Variants in CIAO2A observed in about 807,000 individuals in gnomAD.
The protein encoded by CIAO2A is MIP18 family protein FAM96A.
Under a neutral mutation model 22.4 loss-of-function variants are expected in CIAO2A, and 17 were observed. That is an observed-to-expected ratio of 0.76 (90% confidence interval 0.52 to 1.14). The LOEUF (loss-of-function observed/expected upper bound fraction) is 1.14. Ranked by LOEUF, CIAO2A falls within the 50% of genes most tolerant of loss-of-function variation. CIAO2A has a pLI of 0.00. For missense variants in CIAO2A, 192 were observed against 191.4 expected (o/e 1.00, Z -0.02); for synonymous variants, 74 against 72.3 (o/e 1.02, Z -0.12).
rs1595949364 is a variant in CIAO2A, at chr15:64,072,832, A to C, written c.*99T>G. On this transcript the variant is annotated 3_prime_UTR_variant, in exon 5 of 5. Transcript: ENST00000300030. ...AATCCTTTAAAAAATACTCTGAGGT[A>C]CAAATCACCTATGTATTAAACATGA... 7 of 730,292 alleles carry C rather than the reference A, an allele frequency of 9.6e-6. No homozygotes were observed. In the East Asian group the frequency reaches 1.8e-4, roughly 19 times the overall value. The allele number at this position is 730,292 out of a possible 1,614,324, so 45.2% of individuals were successfully genotyped here.
intron 1 of CIAO2A, among the ~76,000 whole-genome samples, chr15:64,090,486 T>A (rs2080832201): frequency 6.6e-6 from 1 of 152,110 alleles, no homozygotes; most frequent in East Asian, 1.9e-4. Flanking sequence ...ATCAGTGGTA[T>A]AAAGAAAAAA....
chr15:64,089,592 GT>G (rs1431047566), intron 1 of CIAO2A, among the ~76,000 whole-genome samples: 1 of 152,170 alleles, frequency 6.6e-6, no homozygotes, highest in Non-Finnish European at 1.5e-5. Context: ...AGTGAAAGGT[GT>G]TTTAGAGTAT....
chr15:64,091,058 G>A (rs1483629430), intron 1 of CIAO2A, among the ~76,000 whole-genome samples: 2 of 152,154 alleles, frequency 1.3e-5, no homozygotes, highest in African/African-American at 2.4e-5. Context: ...TGTGCTTGAG[G>A]TTCTCAAATC....
intron 1 of CIAO2A, 81 bp downstream of exon 1, chr15:64,093,563 CA>C: frequency 6.9e-7 from 1 of 1,444,232 alleles, no homozygotes; most frequent in East Asian, 2.4e-5. Flanking sequence ...TCCCAGCCCT[CA>C]GGTGAGGCCA....
intron 3 of CIAO2A, 41 bp downstream of exon 3, chr15:64,081,061 G>C (rs751859092): frequency 2.5e-6 from 4 of 1,586,268 alleles, no homozygotes; most frequent in Non-Finnish European, 3.4e-6. Context: ...CAACAAAGCT[G>C]TTTTACAACA....
chr15:64,092,229 T>C (rs766704639), intron 1 of CIAO2A, among the ~76,000 whole-genome samples: 1 of 152,156 alleles, frequency 6.6e-6, no homozygotes, highest in Non-Finnish European at 1.5e-5. Context: ...AACCACATCT[T>C]CACATTTAAC....
chr15:64,074,772 G>A (rs962645378), intron 4 of CIAO2A: 3 of 151,884 alleles, frequency 2.0e-5, no homozygotes, highest in East Asian at 1.9e-4. Flanking sequence ...AGTCTTCTTG[G>A]TATCTATCTC....
At chr15:64,081,739 A>G (rs1025225170) in intron 2 of CIAO2A, among the ~76,000 whole-genome samples, 1 of 151,914 alleles carries the variant, frequency 6.6e-6, no homozygotes, top group Non-Finnish European at 1.5e-5. Flanking sequence ...GGGTTTCACC[A>G]TGTTGGCCAG....
At chr15:64,091,305 C>T (rs2140117667) in intron 1 of CIAO2A, among the ~76,000 whole-genome samples, 1 of 152,020 alleles carries the variant, frequency 6.6e-6, no homozygotes, top group Admixed American at 6.6e-5. Flanking sequence ...GCCAACATGG[C>T]AAAAACCCGT....
intron 3 of CIAO2A, among the ~76,000 whole-genome samples, chr15:64,077,206 G>A (rs1382435886): frequency 6.6e-6 from 1 of 152,150 alleles, no homozygotes; most frequent in African/African-American, 2.4e-5. Flanking sequence ...GCTGAGGCAG[G>A]AGAATCCCTT....
chr15:64,080,997 C>T, intron 3 of CIAO2A, 105 bp downstream of exon 3: 1 of 1,111,844 alleles, frequency 9.0e-7, no homozygotes, highest in Non-Finnish European at 1.3e-6. Context: ...AAGCAAAAAC[C>T]ACTGAATTGG....
chr15:64,092,306 T>C (rs918651056), intron 1 of CIAO2A, among the ~76,000 whole-genome samples: 1 of 152,170 alleles, frequency 6.6e-6, no homozygotes, highest in Non-Finnish European at 1.5e-5. Flanking sequence ...TGCTTTTAAG[T>C]TTCCTCTTAG....
rs926225858 is a variant in CIAO2A, at chr15:64,072,719, G to T, written c.*212C>A. On this transcript the variant is annotated 3_prime_UTR_variant, in exon 5 of 5. Coordinates refer to ENST00000300030, the MANE Select transcript of CIAO2A (RefSeq NM_032231.7). Reference sequence around the variant, plus strand: ...CATAATAACTAGAAAATATTATTCTGTCTGATCATTTAAGTGTTACAAATC... The same window carrying T: ...CATAATAACTAGAAAATATTATTCTTTCTGATCATTTAAGTGTTACAAATC... The T allele has an allele frequency of 9.8e-6, 4 of 406,646 alleles. No individual in the cohort carries two copies. The highest frequency in any genetic ancestry group is 8.2e-5 in the African/African-American group (4 of 48,958). The allele number at this position is 406,646 out of a possible 1,614,324, so 25.2% of individuals were successfully genotyped here.
chr15:64,086,175 G>A (rs1219934008), intron 2 of CIAO2A, among the ~76,000 whole-genome samples: 2 of 151,648 alleles, frequency 1.3e-5, no homozygotes, highest in East Asian at 3.9e-4. Flanking sequence ...TTGGGAGGCC[G>A]AGGTGGGCAG....
intron 1 of CIAO2A, 136 bp downstream of exon 1, chr15:64,093,509 G>C (rs1038149767): frequency 3.2e-5 from 35 of 1,090,616 alleles, no homozygotes; most frequent in Non-Finnish European, 4.2e-5. Flanking sequence ...GACAAGATCT[G>C]GCCAAAAACA....
At chr15:64,075,778 T>G (rs963689925) in intron 3 of CIAO2A, among the ~76,000 whole-genome samples, 1 of 151,542 alleles carries the variant, frequency 6.6e-6, no homozygotes, top group Non-Finnish European at 1.5e-5. Flanking sequence ...AGCCTCCCAA[T>G]AGCTGGAATT....
At chr15:64,078,167 T>C (rs1347099360) in intron 3 of CIAO2A, among the ~76,000 whole-genome samples, 2 of 152,196 alleles carry the variant, frequency 1.3e-5, no homozygotes, top group African/African-American at 2.4e-5. Flanking sequence ...AAGTTAAACA[T>C]TGTAATTAAA....
chr15:64,082,239 A>C (rs969838979), intron 2 of CIAO2A, among the ~76,000 whole-genome samples: 6 of 151,740 alleles, frequency 4.0e-5, no homozygotes, highest in African/African-American at 1.5e-4. Flanking sequence ...TTACTTATTT[A>C]TTTTTTTGAG....
chr15:64,091,322 T>C (rs924663474), intron 1 of CIAO2A, among the ~76,000 whole-genome samples: 3 of 151,816 alleles, frequency 2.0e-5, no homozygotes, highest in Non-Finnish European at 2.9e-5. Flanking sequence ...CCGTCTCTAC[T>C]AAAAATACAA....
Sources: allele counts gnomAD v4.1 joint callset (sites outside exome capture counted in the v4.1 genomes callset), GRCh38; gene constraint gnomAD v4.1.1; transcripts MANE v1.5; gene names NCBI Gene and HGNC (gene_info 2026-07-23, HGNC 2026-07-21).